Variants in TRPV4 observed in about 807,000 individuals in gnomAD.
The protein encoded by TRPV4 is OSM9-like transient receptor potential channel 4.
Under a neutral mutation model 84.1 loss-of-function variants are expected in TRPV4, and 58 were observed. The ratio of observed to expected loss-of-function variants is 0.69; its 90% confidence interval spans 0.56 to 0.86. The LOEUF (loss-of-function observed/expected upper bound fraction) is 0.86. TRPV4 is among the 40% of genes least tolerant of loss of function. TRPV4 has a pLI of 0.00. For synonymous variants in TRPV4, 489 were observed against 500.9 expected (o/e 0.98, Z 0.32); for missense variants, 879 against 1,181.1 (o/e 0.74, Z 3.75).
chr12:109,817,866 T>C (rs1368345518), intron 1 of TRPV4, among the ~76,000 whole-genome samples: 1 of 152,206 alleles, frequency 6.6e-6, no homozygotes, highest in East Asian at 1.9e-4. Flanking sequence ...TACTGGCATC[T>C]GGTAGATCAA....
At chr12:109,787,287 T>G (rs946107670) in intron 13 of TRPV4, among the ~76,000 whole-genome samples, 4 of 152,112 alleles carry the variant, frequency 2.6e-5, no homozygotes, top group African/African-American at 9.7e-5. Context: ...TTTGCAGTTT[T>G]TTGTTGTTGT....
rs770364304 is a variant in TRPV4, at chr12:109,796,682, C to T, written c.1175G>A (p.Arg392Gln). Residue 392 changes from arginine (R) to glutamine (Q), a missense_variant, in exon 7 of 16, where the codon CGG becomes CAG. Transcript: ENST00000261740. The surrounding 1 kb of genome is among the most constrained non-coding windows in gnomAD (Gnocchi z 4.2). ...CCGTGTGTCCTCATCCGTCACCTCC[C>T]GCCGGATGATGTGCTGAAAGATCTG... Reference protein sequence around the residue: ...KIGIFQHIIRREVTDEDTRHL... With the variant: ...KIGIFQHIIRQEVTDEDTRHL... 22 of 1,613,006 alleles carry T rather than the reference C, an allele frequency of 1.4e-5. No individual in the cohort carries two copies. Among genetic ancestry groups the T allele is most frequent in the Admixed American group, 5.0e-5 (3 of 59,988 alleles).
At chr12:109,826,202 T>C (rs1892247158) in intron 1 of TRPV4, among the ~76,000 whole-genome samples, 1 of 152,196 alleles carries the variant, frequency 6.6e-6, no homozygotes, top group South Asian at 2.1e-4. Context: ...AAATTTATTT[T>C]TTGTAGAGAT....
In TRPV4 at chr12:109,798,499, G is replaced by T. The variant is rs1432549136; in HGVS notation, c.1152+115C>A. On this transcript the variant is annotated intron_variant, in intron 6 of 15. Coordinates refer to ENST00000261740, the MANE Select transcript of TRPV4 (RefSeq NM_021625.5). This position sits in a 1 kb window ranked among gnomAD's most constrained non-coding sequence, Gnocchi z 5.0. ...CTGGGACATCTGCACACTGGGGTTG[G>T]CATGTTGGGAGGTGCATGCACGTAT... is the stretch of plus-strand genomic sequence containing the variant. 3 of 1,317,670 alleles carry T rather than the reference G, an allele frequency of 2.3e-6. No homozygotes were observed. Among genetic ancestry groups the T allele is most frequent in the South Asian group, 2.5e-5 (2 of 78,672 alleles). 81.6% of individuals were successfully genotyped at this position (1,317,670 alleles called of 1,614,324 possible).
At chr12:109,790,630 C>T (rs886335873) in intron 12 of TRPV4, among the ~76,000 whole-genome samples, 2 of 152,098 alleles carry the variant, frequency 1.3e-5, no homozygotes, top group Non-Finnish European at 2.9e-5. Context: ...CGCCTATAAT[C>T]CTGCACTTTG....
At position 109,793,836 on chromosome 12, in the gene TRPV4, G is replaced by C; in HGVS notation, c.1584+94C>G. The C allele has an allele frequency of 4.0e-6, 4 of 1,005,566 alleles. No individual in the cohort carries two copies. The highest frequency in any genetic ancestry group is 4.6e-6 in the Non-Finnish European group (3 of 646,316). The allele number at this position is 1,005,566 out of a possible 1,614,324, so 62.3% of individuals were successfully genotyped here. On this transcript the variant is annotated intron_variant, in intron 9 of 15. Coordinates refer to ENST00000261740, the MANE Select transcript of TRPV4 (RefSeq NM_021625.5). The surrounding 1 kb of genome is among the most constrained non-coding windows in gnomAD (Gnocchi z 4.0). Reference sequence around the variant, plus strand: ...GGAAGGAAAGGAGAAGGACCATTTGGAGGAGAGAGAAGAGAAAAAGAGGGA... The same window carrying C: ...GGAAGGAAAGGAGAAGGACCATTTGCAGGAGAGAGAAGAGAAAAAGAGGGA...
chr12:109,826,642 C>T (rs531919926), intron 1 of TRPV4, among the ~76,000 whole-genome samples: 2 of 152,204 alleles, frequency 1.3e-5, no homozygotes, highest in Non-Finnish European at 2.9e-5. Flanking sequence ...TGGGGGCTAC[C>T]ATGCCCTCTC....
At chr12:109,816,710 A>G (rs1350098424) in intron 1 of TRPV4, among the ~76,000 whole-genome samples, 2 of 152,146 alleles carry the variant, frequency 1.3e-5, no homozygotes, top group Non-Finnish European at 2.9e-5. Flanking sequence ...CCCAGGAGGC[A>G]GAGGTTGCAG....
chr12:109,807,153 G>T (rs532811926), intron 3 of TRPV4, among the ~76,000 whole-genome samples: 1 of 151,718 alleles, frequency 6.6e-6, no homozygotes, highest in East Asian at 2.0e-4. Context: ...GCGCATGCCT[G>T]TAATCCCAGC....
intron 12 of TRPV4, among the ~76,000 whole-genome samples, chr12:109,790,986 A>G (rs919588320): frequency 1.3e-5 from 2 of 152,252 alleles, no homozygotes; most frequent in Admixed American, 6.5e-5. Flanking sequence ...CCAGTCAGCC[A>G]GCAGCCAGCC....
Position 109,800,604 on chromosome 12 carries a change from A to T in TRPV4, c.853+14T>A. The stretch of plus-strand genomic sequence containing the variant: ...CTCCAGCATGCTGTCAGCCCCCACC[A>T]GGCCCCTCCTTACCAAAGTAGAAGT... On this transcript the variant is annotated intron_variant, in intron 5 of 15. Coordinates refer to ENST00000261740, the MANE Select transcript of TRPV4 (RefSeq NM_021625.5). 1 of 1,614,102 alleles carries T rather than the reference A, an allele frequency of 6.2e-7. No individual in the cohort carries two copies. The highest frequency in any genetic ancestry group is 1.6e-4 in the Middle Eastern group (1 of 6,062).
intron 12 of TRPV4, 58 bp from the exon 13 acceptor site, chr12:109,788,774 G>A (rs1468594718): frequency 6.3e-7 from 1 of 1,594,162 alleles, no homozygotes; most frequent in Non-Finnish European, 8.6e-7. Context: ...GAGAGGTGGA[G>A]GGTGTCATTC....
In TRPV4 at chr12:109,814,922, G is replaced by A; in HGVS notation, c.-31-95C>T. 8.0e-7 allele frequency: 1 copy of A among 1,246,916 alleles called. No homozygotes were observed. 77.2% of individuals were successfully genotyped at this position (1,246,916 alleles called of 1,614,324 possible). Reference sequence around the variant, plus strand: ...ACGTGGACAAGCAGCAGTGCTGCCAGCTGCTTCAAAGCCACCGTTGTAATG... The same window carrying A: ...ACGTGGACAAGCAGCAGTGCTGCCAACTGCTTCAAAGCCACCGTTGTAATG... On this transcript the variant is annotated intron_variant, in intron 1 of 15. Coordinates refer to ENST00000261740, the MANE Select transcript of TRPV4 (RefSeq NM_021625.5). The surrounding 1 kb of genome is among the most constrained non-coding windows in gnomAD (Gnocchi z 5.4).
At position 109,793,880 on chromosome 12, in the gene TRPV4, A is replaced by C; in HGVS notation, c.1584+50T>G. ...AGAGGGAGAGAAAAGAGGTGCAGGA[A>C]GAGAAGAGGAGGGCAGGCAGGGTGG... On this transcript the variant is annotated intron_variant, in intron 9 of 15. Coordinates refer to ENST00000261740, the MANE Select transcript of TRPV4 (RefSeq NM_021625.5). This position sits in a 1 kb window ranked among gnomAD's most constrained non-coding sequence, Gnocchi z 4.0. The C allele has an allele frequency of 1.5e-6, 2 of 1,297,266 alleles. No individual in the cohort carries two copies. Among genetic ancestry groups the C allele is most frequent in the Non-Finnish European group, 2.2e-6 (2 of 911,558 alleles). 80.4% of individuals were successfully genotyped at this position (1,297,266 alleles called of 1,614,324 possible).
chr12:109,794,044 C>T lies in TRPV4; in HGVS notation c.1492-22G>A, dbSNP rs377039848. On this transcript the variant is annotated intron_variant, in intron 8 of 15. Transcript: ENST00000261740. ...GCGGCTGGGGAGCAGCAAGGGCACACAGGTCGTCACCCAGCCCCTCCAACA... is the reference window on the plus strand; with the variant it reads ...GCGGCTGGGGAGCAGCAAGGGCACATAGGTCGTCACCCAGCCCCTCCAACA... The T allele has an allele frequency of 1.9e-6, 3 of 1,580,376 alleles. No individual in the cohort carries two copies. In the African/African-American group the frequency reaches 4.0e-5, roughly 21 times the overall value.
Position 109,786,703 on chromosome 12 carries a change from G to A in TRPV4, c.2336+7C>T, listed in dbSNP as rs1889706613. 1 of 1,613,590 alleles carries A rather than the reference G, an allele frequency of 6.2e-7. No homozygotes were observed. Among genetic ancestry groups the A allele is most frequent in the Non-Finnish European group, 8.5e-7 (1 of 1,180,010 alleles). On this transcript the variant is annotated splice_region_variant and intron_variant, in intron 14 of 15. Coordinates refer to ENST00000261740, the MANE Select transcript of TRPV4 (RefSeq NM_021625.5). This position sits in a 1 kb window ranked among gnomAD's most constrained non-coding sequence, Gnocchi z 4.5. ...CTGCCATCCTGGCCCCACTGCCCCA[G>A]CCTCACCTGAAGCACCACCTGCGGT...
At chr12:109,809,311 A>G (rs1184732454) in intron 2 of TRPV4, among the ~76,000 whole-genome samples, 1 of 128,898 alleles carries the variant, frequency 7.8e-6, no homozygotes, top group Non-Finnish European at 1.6e-5. Context: ...CCATCCATCC[A>G]TCCATCCCTC....
intron 14 of TRPV4, among the ~76,000 whole-genome samples, chr12:109,784,825 A>G (rs967909051): frequency 7.7e-6 from 1 of 129,208 alleles, no homozygotes; most frequent in African/African-American, 3.0e-5. Context: ...TGGGGGACAA[A>G]GCAAGACTCC....
chr12:109,797,232 A>G (rs1026642895), intron 6 of TRPV4, among the ~76,000 whole-genome samples: 1 of 149,836 alleles, frequency 6.7e-6, no homozygotes, highest in South Asian at 2.1e-4. Flanking sequence ...GCACACTGCA[A>G]CCCTCTCCTC....
Sources: allele counts gnomAD v4.1 joint callset (sites outside exome capture counted in the v4.1 genomes callset), GRCh38; gene constraint gnomAD v4.1.1; non-coding constraint Gnocchi (gnomAD v3.1); transcripts MANE v1.5; gene names NCBI Gene and HGNC (gene_info 2026-07-23, HGNC 2026-07-21).